The following FARS2 variants were observed in gnomAD, a reference collection of about 807,000 sequenced individuals.
The protein encoded by FARS2 is phenylalanine--tRNA ligase, mitochondrial.
FARS2 carries 40 observed loss-of-function variants against 46.4 expected under a neutral mutation model. The ratio of observed to expected loss-of-function variants is 0.86; its 90% CI spans 0.67 to 1.12. FARS2 has a LOEUF of 1.12. Among genes scored for constraint, FARS2 ranks in the 50% most tolerant of loss-of-function variants. The pLI is 0.00. For missense variants in FARS2, 513 were observed against 567.9 expected, an observed-to-expected ratio of 0.90 and a Z score of 0.98; for synonymous variants, 234 against 214.9, an observed-to-expected ratio of 1.09 and a Z score of -0.78.
At chr6:5,658,779 C>A (rs180777443) in intron 6 of FARS2, among the ~76,000 whole-genome samples, 1 of 152,318 alleles carries the variant, frequency 6.6e-6, no homozygotes. Context: ...ATCTTCCCCC[C>A]ACCCCAATAA....
At chr6:5,690,139 G>C (rs2150859334) in intron 6 of FARS2, among the ~76,000 whole-genome samples, 1 of 152,254 alleles carries the variant, frequency 6.6e-6, no homozygotes, top group South Asian at 2.1e-4. Flanking sequence ...GATGGGTCTT[G>C]ACTTTTTATC....
intron 6 of FARS2, among the ~76,000 whole-genome samples, chr6:5,669,213 G>A (rs1257962010): frequency 1.3e-5 from 2 of 152,154 alleles, no homozygotes; most frequent in Admixed American, 6.5e-5. Context: ...CGGAGCAGAC[G>A]TGTTATCCTG....
intron 6 of FARS2, chr6:5,695,316 T>A (rs1236588814): frequency 6.6e-6 from 1 of 152,264 alleles, no homozygotes; most frequent in Non-Finnish European, 1.5e-5. Flanking sequence ...TTTGTGGCAG[T>A]GCCACAGCAA....
intron 4 of FARS2, among the ~76,000 whole-genome samples, chr6:5,459,076 G>A (rs912405667): frequency 6.6e-6 from 1 of 152,180 alleles, no homozygotes; most frequent in African/African-American, 2.4e-5. Context: ...GTCTCTTAAT[G>A]TTCAACAGAA....
chr6:5,436,835 A>G (rs916121659), intron 4 of FARS2, among the ~76,000 whole-genome samples: 6 of 152,224 alleles, frequency 3.9e-5, no homozygotes, highest in African/African-American at 1.4e-4. Flanking sequence ...ATTCTTACGA[A>G]TGACTCACAT....
At chr6:5,322,975 G>A (rs569670293) in intron 1 of FARS2, among the ~76,000 whole-genome samples, 60 of 152,180 alleles carry the variant, frequency 3.9e-4, no homozygotes, top group African/African-American at 1.1e-3. Context: ...CCCATCTTCA[G>A]TCCTTACCAA....
At chr6:5,670,055 C>A (rs1778372176) in intron 6 of FARS2, among the ~76,000 whole-genome samples, 1 of 152,168 alleles carries the variant, frequency 6.6e-6, no homozygotes, top group Admixed American at 6.5e-5. Context: ...TGTATATTTT[C>A]TTTCGTAGGC....
chr6:5,487,219 C>T (rs1766825586), intron 4 of FARS2, among the ~76,000 whole-genome samples: 1 of 152,220 alleles, frequency 6.6e-6, no homozygotes, highest in African/African-American at 2.4e-5. Flanking sequence ...ATCACACAGC[C>T]TCTGGTGCAC....
chr6:5,703,878 T>A (rs1240536593), intron 6 of FARS2, among the ~76,000 whole-genome samples: 1 of 152,134 alleles, frequency 6.6e-6, no homozygotes. Flanking sequence ...CTCCTTCTCT[T>A]AGGATCCTCC....
chr6:5,365,383 G>A (rs1029551192), intron 1 of FARS2, among the ~76,000 whole-genome samples: 2 of 129,652 alleles, frequency 1.5e-5, no homozygotes, highest in Non-Finnish European at 3.1e-5. Context: ...CCAAGCTGGA[G>A]TGCAGTGGTG....
chr6:5,606,540 A>G (rs1774848582), intron 5 of FARS2, among the ~76,000 whole-genome samples: 1 of 152,144 alleles, frequency 6.6e-6, no homozygotes, highest in African/African-American at 2.4e-5. Context: ...GCAGAAGTGA[A>G]AAAGAAGGAA....
At chr6:5,706,401 T>G (rs1389625730) in intron 6 of FARS2, among the ~76,000 whole-genome samples, 2 of 152,026 alleles carry the variant, frequency 1.3e-5, no homozygotes, top group African/African-American at 4.8e-5. Context: ...CCACATAGTA[T>G]GCTCGTGGTC....
chr6:5,371,147 C>G (rs1391850876), intron 2 of FARS2: 3 of 981,156 alleles, frequency 3.1e-6, no homozygotes, highest in African/African-American at 1.8e-5. Flanking sequence ...GCTTATGACC[C>G]AAAGGGGAGT....
intron 6 of FARS2, among the ~76,000 whole-genome samples, chr6:5,722,282 C>T (rs1469411972): frequency 1.3e-5 from 2 of 152,194 alleles, no homozygotes; most frequent in African/African-American, 2.4e-5. Flanking sequence ...CCTTACAAAT[C>T]CCTGAAAGGG....
chr6:5,370,017 C>T (rs1315015397), intron 2 of FARS2, among the ~76,000 whole-genome samples: 1 of 152,068 alleles, frequency 6.6e-6, no homozygotes, highest in Non-Finnish European at 1.5e-5. Flanking sequence ...TTAAACTAAG[C>T]ACAGGGTGTA....
chr6:5,649,632 T>G (rs563773082), intron 6 of FARS2, among the ~76,000 whole-genome samples: 1 of 152,350 alleles, frequency 6.6e-6, no homozygotes, highest in South Asian at 2.1e-4. Flanking sequence ...GGCAACTCAA[T>G]AAAGTGAATA....
chr6:5,553,252 G>A (rs1018347168), intron 5 of FARS2, among the ~76,000 whole-genome samples: 29 of 152,168 alleles, frequency 1.9e-4, no homozygotes, highest in African/African-American at 7.0e-4. Context: ...TGCAACAGGA[G>A]TAGATGAGGA....
intron 6 of FARS2, among the ~76,000 whole-genome samples, chr6:5,687,916 G>A (rs372994476): frequency 6.4e-4 from 98 of 152,086 alleles, no homozygotes; most frequent in East Asian, 5.0e-3. Flanking sequence ...GGTCCTTCAC[G>A]TCCCTTGTAA....
At chr6:5,575,746 G>A (rs557386085) in intron 5 of FARS2, among the ~76,000 whole-genome samples, 41 of 152,216 alleles carry the variant, frequency 2.7e-4, no homozygotes, top group Admixed American at 1.6e-3. Flanking sequence ...TTAGTTAATC[G>A]TGACATTTTT....
Sources: gnomAD v4.1 joint callset for allele counts (sites outside exome capture counted in the v4.1 genomes callset) on GRCh38, gnomAD v4.1.1 for gene constraint, MANE v1.5 for transcripts, NCBI Gene and HGNC (gene_info 2026-07-23, HGNC 2026-07-21) for gene names.